The following NMNAT2 variants were observed in gnomAD, a reference collection of about 807,000 sequenced individuals.
The protein encoded by NMNAT2 is nicotinamide/nicotinic acid mononucleotide adenylyltransferase 2.
NMNAT2 carries 11 observed loss-of-function variants against 41.6 expected under a neutral mutation model. That is an observed-to-expected ratio of 0.26 (90% confidence interval 0.17 to 0.44). NMNAT2 has a LOEUF of 0.44. NMNAT2 is among the 20% of genes least tolerant of loss of function. NMNAT2 has a pLI of 1.00. For missense variants in NMNAT2, 288 were observed against 407.7 expected (o/e 0.71, Z 2.53); for synonymous variants, 148 against 151.2 (o/e 0.98, Z 0.16).
chr1:183,260,436 C>G (rs572829794), intron 10 of NMNAT2, among the ~76,000 whole-genome samples: 1 of 151,086 alleles, frequency 6.6e-6, no homozygotes, highest in Non-Finnish European at 1.5e-5. Flanking sequence ...TCCATAAGTA[C>G]CTCCAACTAG....
At chr1:183,278,113 C>T (rs1400781591) in intron 8 of NMNAT2, among the ~76,000 whole-genome samples, 1 of 152,200 alleles carries the variant, frequency 6.6e-6, no homozygotes, top group African/African-American at 2.4e-5. Flanking sequence ...TCCTGCTGAC[C>T]TCTTGCCATG....
chr1:183,306,954 C>G (rs1384433649), intron 1 of NMNAT2, among the ~76,000 whole-genome samples: 2 of 151,938 alleles, frequency 1.3e-5, no homozygotes, highest in African/African-American at 4.8e-5. Context: ...AGCACAGCAC[C>G]GGCACTCAGG....
At chr1:183,400,420 A>G (rs1474196041) in intron 1 of NMNAT2, among the ~76,000 whole-genome samples, 6 of 152,338 alleles carry the variant, frequency 3.9e-5, no homozygotes, top group Non-Finnish European at 7.3e-5. Context: ...AAGAGGACAC[A>G]AACAAATGGA....
Position 183,392,475 on chromosome 1 carries a change from A to C in NMNAT2, c.85+25708T>G, listed in dbSNP as rs1023949157. Among the ~76,000 whole-genome samples, 3 of 152,248 alleles carry C rather than the reference A, an allele frequency of 2.0e-5. No individual in the cohort carries two copies. In the South Asian group the frequency reaches 6.2e-4, roughly 31 times the overall value. ...CAACCCCTATGGTTCTCATCAGTGC[A>C]GCTAGAACAAATATAATGAAAGCCA... On this transcript the variant is annotated intron_variant, in intron 1 of 10. Coordinates refer to ENST00000287713, the MANE Select transcript of NMNAT2 (RefSeq NM_015039.4).
chr1:183,313,044 A>T (rs960445989), intron 1 of NMNAT2, among the ~76,000 whole-genome samples: 3 of 152,116 alleles, frequency 2.0e-5, no homozygotes, highest in Non-Finnish European at 4.4e-5. Flanking sequence ...TGGAGCTGTC[A>T]TGGAACACTC....
intron 1 of NMNAT2, among the ~76,000 whole-genome samples, chr1:183,399,444 A>G (rs1202582297): frequency 1.3e-5 from 2 of 152,200 alleles, no homozygotes; most frequent in Non-Finnish European, 2.9e-5. Flanking sequence ...AAAAAAGTCC[A>G]GGATCAGAAG....
At chr1:183,312,725 A>G (rs550650094) in intron 1 of NMNAT2, among the ~76,000 whole-genome samples, 1 of 152,132 alleles carries the variant, frequency 6.6e-6, no homozygotes, top group African/African-American at 2.4e-5. Flanking sequence ...TCCTGACTCT[A>G]CTTCTTTCCA....
At chr1:183,363,134 A>C (rs930853248) in intron 1 of NMNAT2, among the ~76,000 whole-genome samples, 1 of 152,102 alleles carries the variant, frequency 6.6e-6, no homozygotes, top group Admixed American at 6.5e-5. Flanking sequence ...TCAGTTTTTA[A>C]TTGGGTTAAT....
At chr1:183,391,522 C>T (rs1002234419) in intron 1 of NMNAT2, among the ~76,000 whole-genome samples, 2 of 146,528 alleles carry the variant, frequency 1.4e-5, no homozygotes, top group Non-Finnish European at 3.0e-5. Flanking sequence ...GCTGTTATTT[C>T]TCTCATCTTA....
At chr1:183,315,755 T>C (rs1429138705) in intron 1 of NMNAT2, among the ~76,000 whole-genome samples, 1 of 137,474 alleles carries the variant, frequency 7.3e-6, no homozygotes, top group African/African-American at 2.8e-5. Context: ...CACTCCAGCC[T>C]GGGCAACAAA....
At chr1:183,257,455 G>T (rs1181348999) in intron 10 of NMNAT2, among the ~76,000 whole-genome samples, 1 of 151,958 alleles carries the variant, frequency 6.6e-6, no homozygotes, top group Non-Finnish European at 1.5e-5. Context: ...AAGAAGTATT[G>T]GTATTAATTA....
At chr1:183,317,394 C>T (rs752499133) in intron 1 of NMNAT2, among the ~76,000 whole-genome samples, 4 of 152,232 alleles carry the variant, frequency 2.6e-5, no homozygotes, top group Non-Finnish European at 5.9e-5. Flanking sequence ...CTCAGCCTCT[C>T]AAGTAGCTGG....
intron 1 of NMNAT2, 93 bp downstream of exon 1, chr1:183,418,090 A>G (rs1397385152): frequency 2.5e-6 from 3 of 1,222,188 alleles, no homozygotes; most frequent in African/African-American, 3.0e-5. Context: ...CCGAAGGGGC[A>G]CACGCCTTCC....
chr1:183,390,619 C>A (rs975354940), intron 1 of NMNAT2, among the ~76,000 whole-genome samples: 2 of 152,130 alleles, frequency 1.3e-5, no homozygotes, highest in South Asian at 4.1e-4. Context: ...TGAAAAAACA[C>A]AAAATAACTC....
chr1:183,340,246 G>T (rs773408593), intron 1 of NMNAT2, among the ~76,000 whole-genome samples: 22 of 151,778 alleles, frequency 1.4e-4, no homozygotes, highest in South Asian at 4.1e-4. Context: ...TCCTCAAATA[G>T]ATACAGCTGG....
At chr1:183,404,291 TG>T (rs1448895787) in intron 1 of NMNAT2, among the ~76,000 whole-genome samples, 1 of 152,132 alleles carries the variant, frequency 6.6e-6, no homozygotes, top group East Asian at 1.9e-4. Context: ...GGTTTCACCA[TG>T]TTGGCCAGGC....
chr1:183,303,356 T>C (rs1221848332), intron 1 of NMNAT2, among the ~76,000 whole-genome samples: 1 of 152,214 alleles, frequency 6.6e-6, no homozygotes, highest in African/African-American at 2.4e-5. Flanking sequence ...TTAGGCGCAG[T>C]GTTAGGCACT....
intron 1 of NMNAT2, among the ~76,000 whole-genome samples, chr1:183,407,329 C>A (rs573353063): frequency 6.6e-6 from 1 of 152,230 alleles, no homozygotes; most frequent in Admixed American, 6.5e-5. Flanking sequence ...CAAGAATTAT[C>A]TTGATTTTGA....
intron 1 of NMNAT2, among the ~76,000 whole-genome samples, chr1:183,312,563 A>C (rs1662148302): frequency 1.0e-5 from 1 of 98,436 alleles, no homozygotes; most frequent in African/African-American, 3.5e-5. Flanking sequence ...ATTGCCTTAC[A>C]GTTCCTAAAA....
Sources: gnomAD v4.1 joint callset for allele counts (sites outside exome capture counted in the v4.1 genomes callset) on GRCh38, gnomAD v4.1.1 for gene constraint, MANE v1.5 for transcripts, NCBI Gene and HGNC (gene_info 2026-07-23, HGNC 2026-07-21) for gene names.